The following SLC24A3 variants were observed in gnomAD, a reference collection of about 807,000 sequenced individuals.
SLC24A3 encodes solute carrier family 24 member 3, also known as sodium/potassium/calcium exchanger 3.
SLC24A3 carries 28 observed loss-of-function variants against 75.8 expected under a neutral mutation model. The observed-to-expected ratio is 0.37, with a 90% CI of 0.27 to 0.51. SLC24A3 has a LOEUF of 0.51. Ranked by LOEUF, SLC24A3 falls within the 20% of genes least tolerant of loss-of-function variation. The pLI, the probability that SLC24A3 is intolerant of heterozygous loss-of-function variation, is 0.94. For synonymous variants in SLC24A3, 372 were observed against 334.1 expected, an observed-to-expected ratio of 1.11 and a Z score of -1.24; for missense variants, 663 against 847.8, an observed-to-expected ratio of 0.78 and a Z score of 2.71.
At chr20:19,708,693 A>G (rs1354175616) in intron 15 of SLC24A3, among the ~76,000 whole-genome samples, 3 of 152,206 alleles carry the variant, frequency 2.0e-5, no homozygotes, top group African/African-American at 2.4e-5. Context: ...CCTACAAACT[A>G]TCCCCACAGG....
rs545242019 is a variant in SLC24A3, at chr20:19,701,870, C to T, written c.1719+3190C>T. Among the ~76,000 whole-genome samples the T allele has an allele frequency of 1.4e-4, 21 of 152,168 alleles. No individual in the cohort carries two copies. In the East Asian group the frequency reaches 4.1e-3, roughly 29 times the overall value. On this transcript the variant is annotated intron_variant, in intron 15 of 16. Coordinates refer to ENST00000328041, the MANE Select transcript of SLC24A3 (RefSeq NM_020689.4). ...CTCTAAACAACCTGAAGAATTCATC[C>T]CTGAATAATATATTTTCACCAGGAT...
chr20:19,371,516 A>T (rs888241837), intron 2 of SLC24A3, among the ~76,000 whole-genome samples: 2 of 152,142 alleles, frequency 1.3e-5, no homozygotes, highest in African/African-American at 4.8e-5. Context: ...AGTGGCTGGG[A>T]ATACGCAGTT....
chr20:19,605,666 G>C (rs1286420222), intron 6 of SLC24A3, among the ~76,000 whole-genome samples: 1 of 152,168 alleles, frequency 6.6e-6, no homozygotes, highest in African/African-American at 2.4e-5. Flanking sequence ...TCTCTGTTTA[G>C]TGACCTGATT....
chr20:19,342,793 G>A (rs745479942), intron 2 of SLC24A3, among the ~76,000 whole-genome samples: 41 of 152,128 alleles, frequency 2.7e-4, no homozygotes, highest in Non-Finnish European at 2.5e-4. Flanking sequence ...CAGAAGCGCC[G>A]GGCACGGTGG....
chr20:19,336,957 A>G (rs1482459677), intron 2 of SLC24A3, among the ~76,000 whole-genome samples: 1 of 152,092 alleles, frequency 6.6e-6, no homozygotes, highest in Non-Finnish European at 1.5e-5. Context: ...CTTCTCAAGC[A>G]TACTCTGTAA....
intron 6 of SLC24A3, among the ~76,000 whole-genome samples, chr20:19,644,766 A>G (rs564454038): frequency 6.6e-6 from 1 of 152,336 alleles, no homozygotes; most frequent in East Asian, 1.9e-4. Flanking sequence ...CTGAGAGCCC[A>G]TTTCCTCCTG....
intron 2 of SLC24A3, among the ~76,000 whole-genome samples, chr20:19,291,721 C>T (rs1033130368): frequency 3.3e-5 from 5 of 152,196 alleles, no homozygotes; most frequent in African/African-American, 1.2e-4. Flanking sequence ...CCTGTCAAAA[C>T]CTTTGTGCCA....
intron 3 of SLC24A3, among the ~76,000 whole-genome samples, chr20:19,562,481 C>T (rs769308956): frequency 1.4e-4 from 21 of 152,154 alleles, no homozygotes; most frequent in Non-Finnish European, 2.9e-4. Flanking sequence ...GACAAAGGAG[C>T]CCATGTGCCC....
intron 2 of SLC24A3, among the ~76,000 whole-genome samples, chr20:19,368,906 C>T (rs898942110): frequency 3.3e-5 from 5 of 152,144 alleles, no homozygotes; most frequent in African/African-American, 7.2e-5. Context: ...ATGACAATAA[C>T]AGGTTATAAT....
At chr20:19,505,867 T>C (rs1262055313) in intron 2 of SLC24A3, among the ~76,000 whole-genome samples, 2 of 152,134 alleles carry the variant, frequency 1.3e-5, no homozygotes, top group Admixed American at 1.3e-4. Context: ...ACAAAAGACA[T>C]AGGGCCCCAG....
chr20:19,520,347 G>A (rs2030076253), intron 3 of SLC24A3, among the ~76,000 whole-genome samples: 1 of 152,194 alleles, frequency 6.6e-6, no homozygotes, highest in African/African-American at 2.4e-5. Flanking sequence ...CTGAGCTGTT[G>A]GAGTTGCTGC....
intron 2 of SLC24A3, among the ~76,000 whole-genome samples, chr20:19,454,040 C>T (rs1367000398): frequency 1.3e-5 from 2 of 152,222 alleles, no homozygotes; most frequent in Non-Finnish European, 2.9e-5. Flanking sequence ...TTCCTTGAAG[C>T]CTGACCAGCC....
intron 6 of SLC24A3, among the ~76,000 whole-genome samples, chr20:19,629,959 A>G (rs955990949): frequency 6.6e-6 from 1 of 152,226 alleles, no homozygotes. Context: ...ATACAAAAAT[A>G]TGAAGCTCTC....
chr20:19,359,863 T>C (rs1281039504), intron 2 of SLC24A3, among the ~76,000 whole-genome samples: 4 of 152,142 alleles, frequency 2.6e-5, no homozygotes, highest in Non-Finnish European at 4.4e-5. Flanking sequence ...GGGCTCAGTT[T>C]CGATGACTAC....
chr20:19,304,661 C>G (rs1984277697), intron 2 of SLC24A3, among the ~76,000 whole-genome samples: 1 of 152,032 alleles, frequency 6.6e-6, no homozygotes, highest in African/African-American at 2.4e-5. Flanking sequence ...TTTTCCCCTT[C>G]TTAAAAGAAC....
chr20:19,546,376 T>C (rs1024399955), intron 3 of SLC24A3, among the ~76,000 whole-genome samples: 3 of 152,128 alleles, frequency 2.0e-5, no homozygotes, highest in African/African-American at 7.2e-5. Context: ...GCCACATTCC[T>C]GTGACACCGA....
intron 2 of SLC24A3, among the ~76,000 whole-genome samples, chr20:19,462,279 T>C (rs544596190): frequency 5.3e-5 from 8 of 151,298 alleles, no homozygotes; most frequent in East Asian, 1.9e-4. Flanking sequence ...GCTTTCTTTC[T>C]TTTTTTTGCT....
intron 4 of SLC24A3, among the ~76,000 whole-genome samples, chr20:19,582,211 C>T (rs2031227476): frequency 6.6e-6 from 1 of 152,218 alleles, no homozygotes; most frequent in African/African-American, 2.4e-5. Flanking sequence ...GTGGGTCCAC[C>T]AGCAGTGGCC....
chr20:19,470,680 CAGA>C (rs1214215147), intron 2 of SLC24A3, among the ~76,000 whole-genome samples: 119 of 152,278 alleles, frequency 7.8e-4, no homozygotes, highest in African/African-American at 2.7e-3. Context: ...AAATTAGACG[CAGA>C]AGAAGACTTT....
Sources: allele counts gnomAD v4.1 joint callset (sites outside exome capture counted in the v4.1 genomes callset), GRCh38; gene constraint gnomAD v4.1.1; transcripts MANE v1.5; gene names NCBI Gene and HGNC (gene_info 2026-07-23, HGNC 2026-07-21).